The following PRELID2 variants were observed in gnomAD, a reference collection of about 807,000 sequenced individuals.
The protein encoded by PRELID2 is PRELI domain containing 2.
Under a neutral mutation model 28.4 loss-of-function variants are expected in PRELID2, and 25 were observed. That is an observed-to-expected ratio of 0.88 (90% CI 0.64 to 1.23). The LOEUF (loss-of-function observed/expected upper bound fraction) is 1.23, where lower values mean the gene tolerates loss of function less well. PRELID2 is among the 50% of genes most tolerant of loss of function. The pLI is 0.00. For missense variants in PRELID2, 201 were observed against 214.4 expected, an observed-to-expected ratio of 0.94 and a Z score of 0.39; for synonymous variants, 76 against 71.6, an observed-to-expected ratio of 1.06 and a Z score of -0.31.
At chr5:145,652,467 A>C (rs1319825806) in intron 1 of PRELID2, among the ~76,000 whole-genome samples, 4 of 152,226 alleles carry the variant, frequency 2.6e-5, no homozygotes, top group African/African-American at 9.7e-5. Context: ...CCAAAGTTGC[A>C]ATGAAGGAAA....
rs770087602 is a variant in PRELID2, at chr5:145,547,540, T to C, written n.71-74225A>G. 1.1e-3 allele frequency among the ~76,000 whole-genome samples: 164 copies of C among 152,132 alleles called. 3 individuals carry two copies. The highest frequency in any genetic ancestry group is 3.4e-4 in the Non-Finnish European group (23 of 68,012). On this transcript the variant is annotated intron_variant and non_coding_transcript_variant, in intron 1 of 2. Transcript: ENST00000510259. Reference sequence around the variant, plus strand: ...ATAAAATTGGCTTCAAATAAAAAAGTATTTATTTCTTTTTCAGCCTGTGTT... The same window carrying C: ...ATAAAATTGGCTTCAAATAAAAAAGCATTTATTTCTTTTTCAGCCTGTGTT...
the PRELID2 span, among the ~76,000 whole-genome samples, chr5:145,352,841 A>G: frequency 7.2e-5 from 11 of 152,240 alleles, 1 homozygote; most frequent in South Asian, 2.3e-3. Context: ...GCAAAATTCT[A>G]CCAGTCTCTT....
At chr5:145,322,653 A>ACTGT in the PRELID2 span, among the ~76,000 whole-genome samples, 2 of 152,348 alleles carry the variant, frequency 1.3e-5, no homozygotes, top group Admixed American at 6.5e-5. Flanking sequence ...TAGAAATAGC[A>ACTGT]CTGTCCTTGG....
At chr5:145,659,374 T>G (rs903576854) in intron 1 of PRELID2, among the ~76,000 whole-genome samples, 7 of 152,252 alleles carry the variant, frequency 4.6e-5, no homozygotes, top group Admixed American at 2.6e-4. Context: ...ATGTGTACAT[T>G]TATTTCACCG....
At chr5:145,660,153 A>G (rs1754465893) in intron 1 of PRELID2, among the ~76,000 whole-genome samples, 1 of 152,166 alleles carries the variant, frequency 6.6e-6, no homozygotes, top group African/African-American at 2.4e-5. Context: ...ATTCATAGTG[A>G]AGGATGAGCA....
At chr5:145,421,368 T>A in the PRELID2 span, among the ~76,000 whole-genome samples, 1 of 151,098 alleles carries the variant, frequency 6.6e-6, no homozygotes, top group Admixed American at 6.6e-5. Flanking sequence ...GGTCCTGGAA[T>A]CTTTTTGGTT....
intron 5 of PRELID2, among the ~76,000 whole-genome samples, chr5:145,774,220 C>G (rs1342616404): frequency 1.3e-5 from 2 of 152,306 alleles, no homozygotes; most frequent in East Asian, 3.9e-4. Context: ...CTCACCATTT[C>G]CAGGTAAGAA....
At chr5:145,526,457 A>C (rs1481974440) in intron 1 of PRELID2, among the ~76,000 whole-genome samples, 2 of 152,136 alleles carry the variant, frequency 1.3e-5, no homozygotes, top group Non-Finnish European at 2.9e-5. Context: ...GCTGCTTCCT[A>C]TATTTGTACA....
chr5:145,678,634 TA>T (rs1754869975), intron 1 of PRELID2, among the ~76,000 whole-genome samples: 1 of 152,128 alleles, frequency 6.6e-6, no homozygotes, highest in Non-Finnish European at 1.5e-5. Context: ...AATTAATAAA[TA>T]AAATAAATGT....
At chr5:145,522,193 C>T (rs1441290388) in intron 1 of PRELID2, among the ~76,000 whole-genome samples, 1 of 152,154 alleles carries the variant, frequency 6.6e-6, no homozygotes, top group Non-Finnish European at 1.5e-5. Flanking sequence ...AATTCCTAGT[C>T]TCTTCATCTC....
intron 1 of PRELID2, among the ~76,000 whole-genome samples, chr5:145,530,122 G>A (rs749383837): frequency 5.3e-5 from 8 of 152,160 alleles, no homozygotes; most frequent in South Asian, 4.2e-4. Flanking sequence ...GGGGCTTGCC[G>A]CAGATCATAC....
intron 1 of PRELID2, among the ~76,000 whole-genome samples, chr5:145,566,839 CAAAAA>C (rs537384269): frequency 3.4e-5 from 2 of 58,142 alleles, no homozygotes; most frequent in Non-Finnish European, 4.7e-5. Flanking sequence ...GACTCCATCT[CAAAAA>C]AAAAAAAAAA....
intron 1 of PRELID2, among the ~76,000 whole-genome samples, chr5:145,577,672 G>A (rs1381798349): frequency 6.6e-6 from 1 of 151,958 alleles, no homozygotes; most frequent in African/African-American, 2.4e-5. Context: ...AAAATAAAAG[G>A]TCTCCAATAG....
chr5:145,244,768 G>C, the PRELID2 span, among the ~76,000 whole-genome samples: 1 of 152,014 alleles, frequency 6.6e-6, no homozygotes, highest in Admixed American at 6.6e-5. Context: ...GGGAATTGCT[G>C]TTACTTACTG....
intron 1 of PRELID2, among the ~76,000 whole-genome samples, chr5:145,606,530 T>C (rs995368256): frequency 1.3e-5 from 2 of 152,132 alleles, no homozygotes; most frequent in African/African-American, 4.8e-5. Context: ...GATAATGTGG[T>C]TTTTGATTTT....
At chr5:145,451,603 G>T in the PRELID2 span, among the ~76,000 whole-genome samples, 1 of 152,056 alleles carries the variant, frequency 6.6e-6, no homozygotes, top group Non-Finnish European at 1.5e-5. Flanking sequence ...GAACACACTT[G>T]TTCTTTGATT....
intron 1 of PRELID2, among the ~76,000 whole-genome samples, chr5:145,603,607 G>A (rs940026186): frequency 5.3e-5 from 8 of 152,040 alleles, no homozygotes; most frequent in Admixed American, 2.6e-4. Flanking sequence ...TGAAAAATTA[G>A]AGATGCAGAA....
At chr5:145,817,743 CATTA>C (rs1442391946) in intron 4 of PRELID2, 147 bp downstream of exon 4, 16 of 624,366 alleles carry the variant, frequency 2.6e-5, no homozygotes, top group Non-Finnish European at 3.5e-5. Context: ...GCAAAAAATT[CATTA>C]ATTACTGTGA....
chr5:145,537,675 T>C (rs1012508176), intron 1 of PRELID2, among the ~76,000 whole-genome samples: 1 of 151,876 alleles, frequency 6.6e-6, no homozygotes, highest in South Asian at 2.1e-4. Flanking sequence ...CTATTTGTTT[T>C]TTGTTTTGTT....
Sources: allele counts gnomAD v4.1 joint callset (sites outside exome capture counted in the v4.1 genomes callset), GRCh38; gene constraint gnomAD v4.1.1; transcripts MANE v1.5; gene names NCBI Gene and HGNC (gene_info 2026-07-23, HGNC 2026-07-21).